GPC6: variants seen among roughly 807,000 people sequenced by gnomAD.
The protein encoded by GPC6 is glypican-6.
In GPC6, 14 loss-of-function variants were observed where a neutral mutation model predicts 55.2. The ratio of observed to expected loss-of-function variants is 0.25; its 90% CI spans 0.17 to 0.40. The LOEUF (loss-of-function observed/expected upper bound fraction) is 0.40, where lower values mean the gene tolerates loss of function less well. Ranked by LOEUF, GPC6 falls within the 10% of genes least tolerant of loss-of-function variation. The pLI is 1.00. For synonymous variants in GPC6, 278 were observed against 259.6 expected (o/e 1.07, Z -0.68); for missense variants, 641 against 708.5 (o/e 0.90, Z 1.08).
intron 1 of GPC6, among the ~76,000 whole-genome samples, chr13:93,529,750 C>G (rs1315002629): frequency 6.6e-6 from 1 of 151,804 alleles, no homozygotes; most frequent in African/African-American, 2.4e-5. Context: ...CTCCTGACCT[C>G]GTGATCCACC....
chr13:93,869,628 G>A (rs1036442186), intron 3 of GPC6, among the ~76,000 whole-genome samples: 2 of 151,838 alleles, frequency 1.3e-5, no homozygotes, highest in Non-Finnish European at 2.9e-5. Flanking sequence ...ACATCCCTAT[G>A]ATTTCTTAGA....
At chr13:93,463,807 A>G (rs751837225) in intron 1 of GPC6, among the ~76,000 whole-genome samples, 10 of 150,686 alleles carry the variant, frequency 6.6e-5, no homozygotes, top group Non-Finnish European at 1.3e-4. Flanking sequence ...CACACCAACC[A>G]TGTTGTTGTT....
chr13:93,978,752 T>C (rs1197914705), intron 3 of GPC6, among the ~76,000 whole-genome samples: 1 of 152,170 alleles, frequency 6.6e-6, no homozygotes, highest in African/African-American at 2.4e-5. Flanking sequence ...AAATAATTCA[T>C]AATCTCTCCT....
At chr13:93,777,277 C>G (rs1293895866) in intron 2 of GPC6, among the ~76,000 whole-genome samples, 1 of 152,166 alleles carries the variant, frequency 6.6e-6, no homozygotes, top group Non-Finnish European at 1.5e-5. Flanking sequence ...TTTCTGTGTT[C>G]TTATCTCTTC....
chr13:93,739,567 C>T (rs138085155), intron 2 of GPC6, among the ~76,000 whole-genome samples: 2,989 of 151,978 alleles, frequency 0.02, 93 homozygotes, highest in African/African-American at 0.067. Flanking sequence ...GTAGCTGGGA[C>T]TACAGGCGCC....
At position 93,545,418 on chromosome 13, in the gene GPC6, G is replaced by T; in HGVS notation, c.316G>T (p.Asp106Tyr). Residue 106 changes from aspartate (D) to tyrosine (Y), a missense_variant, in exon 2 of 9, where the codon GAC becomes TAC. Asp to Tyr is a radical substitution (Grantham distance 160). Coordinates refer to ENST00000377047, the MANE Select transcript of GPC6 (RefSeq NM_005708.5). The stretch of plus-strand genomic sequence containing the variant: ...TTTTGTGTCCAGGCATAAGAAATTT[G>T]ACGGTAGGTGAAATGGTTTTCACTT... Reference protein sequence around the residue: ...TTFVSRHKKFDEFFRELLENA... With the variant: ...TTFVSRHKKFYEFFRELLENA... 1 of 1,613,116 alleles carries T rather than the reference G, an allele frequency of 6.2e-7. No individual in the cohort carries two copies. The highest frequency in any genetic ancestry group is 1.1e-5 in the South Asian group (1 of 91,058).
chr13:93,310,159 C>G (rs1027146033), intron 1 of GPC6, among the ~76,000 whole-genome samples: 1 of 152,208 alleles, frequency 6.6e-6, no homozygotes, highest in African/African-American at 2.4e-5. Context: ...AAATGGTGAT[C>G]TGGCTTCCAC....
At chr13:93,303,080 T>A (rs1878736564) in intron 1 of GPC6, among the ~76,000 whole-genome samples, 1 of 152,204 alleles carries the variant, frequency 6.6e-6, no homozygotes. Context: ...TGTATAACCA[T>A]AGACTGTTAA....
chr13:94,221,133 T>C (rs1410017402), intron 4 of GPC6, among the ~76,000 whole-genome samples: 2 of 152,262 alleles, frequency 1.3e-5, no homozygotes, highest in East Asian at 3.9e-4. Flanking sequence ...ACCATTTCTA[T>C]AGGCGTTTCT....
Position 93,710,696 on chromosome 13 carries a change from C to A in GPC6, c.320-119458C>A, listed in dbSNP as rs556184725. Among the ~76,000 whole-genome samples, 5 of 147,716 alleles carry A rather than the reference C, an allele frequency of 3.4e-5. No homozygotes were observed. In the East Asian group the frequency reaches 6.0e-4, roughly 18 times the overall value. On this transcript the variant is annotated intron_variant, in intron 2 of 8. Coordinates refer to ENST00000377047, the MANE Select transcript of GPC6 (RefSeq NM_005708.5). Reference sequence around the variant, plus strand: ...TAATTTGTCATTTAAAGTCCCCCCCCCCAAAAAAAATATGGTCTGTATGAA... The same window carrying A: ...TAATTTGTCATTTAAAGTCCCCCCCACCAAAAAAAATATGGTCTGTATGAA...
chr13:93,432,806 A>G (rs188030885), intron 1 of GPC6, among the ~76,000 whole-genome samples: 1 of 152,094 alleles, frequency 6.6e-6, no homozygotes, highest in Non-Finnish European at 1.5e-5. Flanking sequence ...AAAGAGAGGG[A>G]TAAAGTATTT....
At position 94,219,759 on chromosome 13, in the gene GPC6, A is replaced by G. The variant is rs1296282010; in HGVS notation, c.878-66590A>G. 2.6e-5 allele frequency among the ~76,000 whole-genome samples: 4 copies of G among 152,272 alleles called. No homozygotes were observed. In the South Asian group the frequency reaches 8.3e-4, roughly 32 times the overall value. ...GGTCTCGTTTCGGAAGGCAAGAGAAAGGAATGATGGCTTGGCAGGATCTGA... is the reference window on the plus strand; with the variant it reads ...GGTCTCGTTTCGGAAGGCAAGAGAAGGGAATGATGGCTTGGCAGGATCTGA... On this transcript the variant is annotated intron_variant, in intron 4 of 8. Coordinates refer to ENST00000377047, the MANE Select transcript of GPC6 (RefSeq NM_005708.5).
At chr13:94,006,053 C>T (rs1169000226) in intron 3 of GPC6, among the ~76,000 whole-genome samples, 1 of 152,056 alleles carries the variant, frequency 6.6e-6, no homozygotes, top group East Asian at 1.9e-4. Flanking sequence ...TTAATAGCTA[C>T]AGTAAATGAA....
intron 3 of GPC6, among the ~76,000 whole-genome samples, chr13:93,853,531 T>C (rs933056730): frequency 1.3e-5 from 2 of 151,614 alleles, no homozygotes; most frequent in African/African-American, 4.8e-5. Context: ...TTAATTACTA[T>C]ATTTTCACTC....
intron 6 of GPC6, among the ~76,000 whole-genome samples, chr13:94,310,725 C>T (rs945675499): frequency 6.6e-6 from 1 of 151,964 alleles, no homozygotes; most frequent in Non-Finnish European, 1.5e-5. Context: ...TTCCTCTCTG[C>T]TTGTGATTTA....
intron 1 of GPC6, among the ~76,000 whole-genome samples, chr13:93,517,166 A>C (rs1287286509): frequency 6.6e-6 from 1 of 152,142 alleles, no homozygotes; most frequent in African/African-American, 2.4e-5. Context: ...GAATCACCTG[A>C]TACTTTTCCT....
At chr13:94,391,591 C>G (rs999938298) in intron 7 of GPC6, among the ~76,000 whole-genome samples, 1 of 152,170 alleles carries the variant, frequency 6.6e-6, no homozygotes, top group Non-Finnish European at 1.5e-5. Flanking sequence ...TAATTCTTAT[C>G]AAGAACTTTA....
chr13:93,416,445 G>T (rs1876700015), intron 1 of GPC6, among the ~76,000 whole-genome samples: 1 of 151,878 alleles, frequency 6.6e-6, no homozygotes, highest in South Asian at 2.1e-4. Flanking sequence ...TATTTATGGG[G>T]TATATGAGAT....
intron 6 of GPC6, among the ~76,000 whole-genome samples, chr13:94,352,848 G>T (rs937347063): frequency 5.9e-5 from 9 of 152,182 alleles, no homozygotes; most frequent in African/African-American, 1.7e-4. Flanking sequence ...CCATGGTGGG[G>T]CAACCTTCAA....
Sources: gnomAD v4.1 joint callset for allele counts (sites outside exome capture counted in the v4.1 genomes callset) on GRCh38, gnomAD v4.1.1 for gene constraint, MANE v1.5 for transcripts, NCBI Gene and HGNC (gene_info 2026-07-23, HGNC 2026-07-21) for gene names.